The following NFIB variants were observed in gnomAD, a reference collection of about 807,000 sequenced individuals.
NFIB encodes nuclear factor 1 B-type.
Under a neutral mutation model 61.5 loss-of-function variants are expected in NFIB, and 11 were observed. The ratio of observed to expected loss-of-function variants is 0.18; its 90% CI spans 0.11 to 0.30. NFIB has a LOEUF of 0.30. Ranked by LOEUF, NFIB falls within the 10% of genes least tolerant of loss-of-function variation. The pLI is 1.00. For missense variants in NFIB, 471 were observed against 608.9 expected (o/e 0.77, Z 2.38); for synonymous variants, 260 against 216.5 (o/e 1.20, Z -1.76).
chr9:14,431,543 C>T, the NFIB span, among the ~76,000 whole-genome samples: 2 of 152,008 alleles, frequency 1.3e-5, no homozygotes, highest in Non-Finnish European at 2.9e-5. Flanking sequence ...ACCATGTGCT[C>T]CTGTTCTAAG....
At chr9:14,477,011 AAT>A in the NFIB span, among the ~76,000 whole-genome samples, 2 of 152,240 alleles carry the variant, frequency 1.3e-5, no homozygotes, top group Non-Finnish European at 2.9e-5. Context: ...TAAATACCAG[AAT>A]ATATATGATT....
At chr9:14,256,551 A>G (rs1374663208) in intron 2 of NFIB, among the ~76,000 whole-genome samples, 1 of 152,228 alleles carries the variant, frequency 6.6e-6, no homozygotes, top group Admixed American at 6.5e-5. Flanking sequence ...GGAGTGAAAT[A>G]TAATATTCAT....
chr9:14,470,958 AG>A, the NFIB span, among the ~76,000 whole-genome samples: 1 of 152,358 alleles, frequency 6.6e-6, no homozygotes, highest in South Asian at 2.1e-4. Flanking sequence ...ATGATGAGGC[AG>A]GGTGCCTAAA....
chr9:14,290,903 A>G (rs911609967), intron 2 of NFIB, among the ~76,000 whole-genome samples: 1 of 152,086 alleles, frequency 6.6e-6, no homozygotes, highest in Non-Finnish European at 1.5e-5. Context: ...GTATGCTCTC[A>G]TAACATTTCT....
In NFIB at chr9:14,340,110, G is replaced by A. The variant is rs147085470; in HGVS notation, c.109-32590C>T. Among the ~76,000 whole-genome samples, 296 of 152,190 alleles carry A rather than the reference G, an allele frequency of 1.9e-3. 1 individual carries two copies. Among genetic ancestry groups the A allele is most frequent in the Non-Finnish European group, 3.0e-3 (201 of 68,010 alleles). ...TGACAGAACCTGAATTGTAAAGTGG[G>A]GCTCTAACTTTCAGTCCTGTGCTGT... is the stretch of plus-strand genomic sequence containing the variant. On this transcript the variant is annotated intron_variant, in intron 1 of 8. Transcript: ENST00000380934.
At chr9:14,211,170 A>G (rs1394409487) in intron 2 of NFIB, among the ~76,000 whole-genome samples, 3 of 152,210 alleles carry the variant, frequency 2.0e-5, no homozygotes, top group Non-Finnish European at 2.9e-5. Flanking sequence ...CAGTGCTCTT[A>G]GCTTAATCCT....
chr9:14,216,384 A>T lies in NFIB; in HGVS notation c.563-36604T>A, dbSNP rs566942400. ...CACTATTAAGTCTCTGTGTGGATGA[A>T]GTAGAAACTAAAAAAGGTCTGGTTT... On this transcript the variant is annotated intron_variant, in intron 2 of 10. Transcript: ENST00000380953. Among the ~76,000 whole-genome samples, 304 of 152,262 alleles carry T rather than the reference A, an allele frequency of 2.0e-3. 2 individuals are homozygous for T. The highest frequency in any genetic ancestry group is 3.5e-3 in the Non-Finnish European group (237 of 68,004).
At chr9:14,479,516 A>G in the NFIB span, among the ~76,000 whole-genome samples, 1 of 152,164 alleles carries the variant, frequency 6.6e-6, no homozygotes, top group Non-Finnish European at 1.5e-5. Flanking sequence ...TACCTCATAC[A>G]CAGGACAGTT....
At chr9:14,202,128 TCACACACACACA>T (rs3080833) in intron 2 of NFIB, among the ~76,000 whole-genome samples, 22 of 147,178 alleles carry the variant, frequency 1.5e-4, no homozygotes, top group East Asian at 1.0e-3. Flanking sequence ...TTGATACTTT[TCACACACACACA>T]CACACACACA....
At chr9:14,304,855 AAAG>A (rs774114194) in intron 2 of NFIB, among the ~76,000 whole-genome samples, 2 of 152,210 alleles carry the variant, frequency 1.3e-5, no homozygotes, top group Non-Finnish European at 2.9e-5. Flanking sequence ...TACACTTGAC[AAAG>A]AAGAATATAT....
chr9:14,204,253 G>A, intron 2 of NFIB: 1 of 622,988 alleles, frequency 1.6e-6, no homozygotes, highest in South Asian at 1.9e-5. Flanking sequence ...CCAAGATGTG[G>A]AAAGGAAAGA....
At chr9:14,459,337 C>A in the NFIB span, among the ~76,000 whole-genome samples, 1 of 152,160 alleles carries the variant, frequency 6.6e-6, no homozygotes, top group African/African-American at 2.4e-5. Flanking sequence ...AAACTGGATC[C>A]CTTCCTTACA....
intron 2 of NFIB, among the ~76,000 whole-genome samples, chr9:14,250,156 G>A (rs944949550): frequency 2.0e-5 from 3 of 152,322 alleles, no homozygotes; most frequent in African/African-American, 7.2e-5. Context: ...CTAACAGGGA[G>A]GAGGGTCTTT....
intron 5 of NFIB, among the ~76,000 whole-genome samples, chr9:14,147,412 A>C (rs1406259427): frequency 2.6e-5 from 4 of 152,226 alleles, no homozygotes; most frequent in African/African-American, 9.6e-5. Flanking sequence ...TTAAATGTAA[A>C]GCTTTTAGTT....
chr9:14,232,550 T>A (rs2053313171), intron 2 of NFIB, among the ~76,000 whole-genome samples: 1 of 152,126 alleles, frequency 6.6e-6, no homozygotes, highest in South Asian at 2.1e-4. Context: ...ATGGAACTTG[T>A]TAAGACAAGG....
chr9:14,280,774 G>A (rs1207961662), intron 2 of NFIB, among the ~76,000 whole-genome samples: 1 of 152,076 alleles, frequency 6.6e-6, no homozygotes, highest in Admixed American at 6.6e-5. Context: ...TATTTTACGA[G>A]TAGTAAAATA....
chr9:14,461,112 A>G, the NFIB span, among the ~76,000 whole-genome samples: 1 of 152,118 alleles, frequency 6.6e-6, no homozygotes, highest in East Asian at 1.9e-4. Flanking sequence ...ACAGTCCCAT[A>G]GCATCCCACA....
the NFIB span, among the ~76,000 whole-genome samples, chr9:14,489,966 T>C: frequency 2.0e-4 from 30 of 152,286 alleles, no homozygotes; most frequent in African/African-American, 7.2e-4. Flanking sequence ...CTTCAGTGAA[T>C]GCTCAAACAA....
At chr9:14,388,048 G>A (rs1015501503) in intron 1 of NFIB, among the ~76,000 whole-genome samples, 2 of 152,084 alleles carry the variant, frequency 1.3e-5, no homozygotes, top group Non-Finnish European at 2.9e-5. Flanking sequence ...ACAAAAATGT[G>A]TACCACAGTA....
Sources: allele counts gnomAD v4.1 joint callset (sites outside exome capture counted in the v4.1 genomes callset), GRCh38; gene constraint gnomAD v4.1.1; transcripts MANE v1.5; gene names NCBI Gene and HGNC (gene_info 2026-07-23, HGNC 2026-07-21).